PTPRD: variants seen among roughly 807,000 people sequenced by gnomAD.
The protein encoded by PTPRD is protein tyrosine phosphatase receptor type D, also known as receptor-type tyrosine-protein phosphatase delta.
PTPRD carries 34 observed loss-of-function variants against 214.5 expected under a neutral mutation model. The ratio of observed to expected loss-of-function variants is 0.16; its 90% CI spans 0.12 to 0.21. The LOEUF (loss-of-function observed/expected upper bound fraction) is 0.21, where lower values mean the gene tolerates loss of function less well. Among genes scored for constraint, PTPRD ranks in the 10% least tolerant of loss-of-function variants. The pLI, the probability that PTPRD is intolerant of heterozygous loss-of-function variation, is 1.00. For synonymous variants in PTPRD, 1,128 were observed against 845.7 expected, an observed-to-expected ratio of 1.33 and a Z score of -5.79; for missense variants, 2,545 against 2,398.7, an observed-to-expected ratio of 1.06 and a Z score of -1.27.
At chr9:9,401,760 G>T (rs960257827) in intron 8 of PTPRD, among the ~76,000 whole-genome samples, 9 of 151,926 alleles carry the variant, frequency 5.9e-5, no homozygotes, top group Admixed American at 4.6e-4. Context: ...CATGGGGGTG[G>T]TTACCTCTAT....
At chr9:10,583,485 C>T (rs541038161) in intron 2 of PTPRD, among the ~76,000 whole-genome samples, 8 of 151,602 alleles carry the variant, frequency 5.3e-5, no homozygotes, top group South Asian at 4.2e-4. Flanking sequence ...GGAGTCTCGC[C>T]CTGTTGCCCA....
At chr9:8,371,229 A>G (rs1029618296) in intron 39 of PTPRD, among the ~76,000 whole-genome samples, 3 of 152,092 alleles carry the variant, frequency 2.0e-5, no homozygotes, top group African/African-American at 7.2e-5. Context: ...ATAAAGGGAA[A>G]AAAATATAGT....
At chr9:9,052,391 T>C (rs781152592) in intron 10 of PTPRD, among the ~76,000 whole-genome samples, 2 of 152,218 alleles carry the variant, frequency 1.3e-5, no homozygotes, top group African/African-American at 2.4e-5. Flanking sequence ...AAATGACTTA[T>C]CTGTGACCCT....
chr9:9,895,030 T>A (rs1001425849), intron 5 of PTPRD, among the ~76,000 whole-genome samples: 1 of 152,084 alleles, frequency 6.6e-6, no homozygotes, highest in African/African-American at 2.4e-5. Flanking sequence ...CACAATGGGT[T>A]GAAATAATGT....
intron 4 of PTPRD, among the ~76,000 whole-genome samples, chr9:9,998,121 A>ATATATATATATATATATATATAT (rs1326721044): frequency 2.0e-5 from 1 of 50,246 alleles, no homozygotes; most frequent in Non-Finnish European, 4.1e-5. Flanking sequence ...ATAATAAAAA[A>ATATATATATATATATATATATAT]AAAAAAAAAT....
intron 39 of PTPRD, among the ~76,000 whole-genome samples, chr9:8,357,433 C>T (rs906582636): frequency 3.3e-5 from 5 of 152,180 alleles, no homozygotes; most frequent in Non-Finnish European, 7.3e-5. Flanking sequence ...AGACCCCAAG[C>T]TGCCTTCCTT....
chr9:10,554,774 C>T (rs1157582152), intron 2 of PTPRD, among the ~76,000 whole-genome samples: 1 of 152,152 alleles, frequency 6.6e-6, no homozygotes, highest in East Asian at 1.9e-4. Context: ...CATTCTCCTG[C>T]CTCAGCCTCC....
At chr9:10,482,268 G>T (rs2099104583) in intron 2 of PTPRD, among the ~76,000 whole-genome samples, 1 of 151,986 alleles carries the variant, frequency 6.6e-6, no homozygotes, top group Non-Finnish European at 1.5e-5. Context: ...CTACTGAGGA[G>T]GCTGAGGCAG....
At chr9:10,243,959 A>T (rs1479892292) in intron 3 of PTPRD, among the ~76,000 whole-genome samples, 1 of 152,056 alleles carries the variant, frequency 6.6e-6, no homozygotes. Flanking sequence ...ACACTAGGTA[A>T]ATTAACCTCT....
At chr9:10,536,946 C>T (rs1035966611) in intron 2 of PTPRD, among the ~76,000 whole-genome samples, 3 of 152,016 alleles carry the variant, frequency 2.0e-5, no homozygotes, top group African/African-American at 4.8e-5. Context: ...TAAAGCAGTA[C>T]GGTTATTAGG....
chr9:9,283,275 C>A (rs935805055), intron 9 of PTPRD, among the ~76,000 whole-genome samples: 1 of 151,400 alleles, frequency 6.6e-6, no homozygotes, highest in Non-Finnish European at 1.5e-5. Flanking sequence ...TTTAGTTGTA[C>A]AATTCATCTT....
intron 12 of PTPRD, among the ~76,000 whole-genome samples, chr9:8,716,882 A>G (rs1263292658): frequency 2.6e-5 from 4 of 152,200 alleles, no homozygotes; most frequent in Admixed American, 2.6e-4. Flanking sequence ...AGATGAATAA[A>G]TAAACTTGTA....
intron 4 of PTPRD, among the ~76,000 whole-genome samples, chr9:9,989,379 T>G (rs919712223): frequency 1.3e-5 from 2 of 151,936 alleles, no homozygotes; most frequent in Non-Finnish European, 2.9e-5. Context: ...GCTCCACTGG[T>G]AGAGGAGCAG....
At chr9:8,512,115 A>G (rs960666914) in intron 21 of PTPRD, among the ~76,000 whole-genome samples, 1 of 152,142 alleles carries the variant, frequency 6.6e-6, no homozygotes, top group Non-Finnish European at 1.5e-5. Flanking sequence ...CATGATTGCT[A>G]AAATATCCAG....
chr9:9,457,783 A>G (rs1398469058), intron 8 of PTPRD, among the ~76,000 whole-genome samples: 1 of 151,950 alleles, frequency 6.6e-6, no homozygotes, highest in Non-Finnish European at 1.5e-5. Context: ...CAGGGGGAAG[A>G]TAAGTTTTAC....
chr9:9,069,084 TAC>T (rs1157266451), intron 10 of PTPRD, among the ~76,000 whole-genome samples: 1 of 152,184 alleles, frequency 6.6e-6, no homozygotes, highest in African/African-American at 2.4e-5. Flanking sequence ...TCAATAAGAC[TAC>T]AGTGTATGAG....
chr9:8,664,681 A>G (rs1385900349), intron 12 of PTPRD, among the ~76,000 whole-genome samples: 1 of 152,218 alleles, frequency 6.6e-6, no homozygotes, highest in Non-Finnish European at 1.5e-5. Flanking sequence ...TTGCTGAGAC[A>G]CAGTAATGAC....
chr9:8,856,691 G>C (rs1401932271), intron 11 of PTPRD, among the ~76,000 whole-genome samples: 1 of 152,196 alleles, frequency 6.6e-6, no homozygotes, highest in African/African-American at 2.4e-5. Context: ...AGCGTACTGG[G>C]AGGCGAACTG....
In PTPRD at chr9:9,766,869, A is replaced by G. The variant is rs982115804; in HGVS notation, c.-367-18T>C. ...ACAGAAACCTAATATAAAAGAAAGA[A>G]TATTTCTATTAATATACTTAGTAAA... On this transcript the variant is annotated intron_variant, in intron 5 of 45. Transcript: ENST00000381196. 1 of 152,546 alleles carries G rather than the reference A, an allele frequency of 6.6e-6. No homozygotes were observed. The highest frequency in any genetic ancestry group is 1.9e-4 in the East Asian group (1 of 5,202). 9.4% of individuals were successfully genotyped at this position (152,546 alleles called of 1,614,324 possible).
Sources: allele counts gnomAD v4.1 joint callset (sites outside exome capture counted in the v4.1 genomes callset), GRCh38; gene constraint gnomAD v4.1.1; transcripts MANE v1.5; gene names NCBI Gene and HGNC (gene_info 2026-07-23, HGNC 2026-07-21).